Variants in DST observed in about 807,000 individuals in gnomAD.
DST encodes bullous pemphigoid antigen.
DST carries 253 observed loss-of-function variants against 875.2 expected under a neutral mutation model. The ratio of observed to expected loss-of-function variants is 0.29; its 90% CI spans 0.26 to 0.32. DST has a LOEUF of 0.32. DST is among the 10% of genes least tolerant of loss of function. DST has a pLI of 1.00. For synonymous variants in DST, 3,124 were observed against 3,197.1 expected (o/e 0.98, Z 0.77); for missense variants, 8,287 against 9,111.6 (o/e 0.91, Z 3.68).
chr6:56,731,377 C>A (rs2099497680), intron 5 of DST, among the ~76,000 whole-genome samples: 1 of 152,174 alleles, frequency 6.6e-6, no homozygotes, highest in Admixed American at 6.5e-5. Flanking sequence ...TGTGCCTGGC[C>A]CAGAATTGTT....
intron 10 of DST, among the ~76,000 whole-genome samples, chr6:56,666,543 A>G (rs980682156): frequency 1.3e-5 from 2 of 152,122 alleles, no homozygotes; most frequent in African/African-American, 4.8e-5. Context: ...ACAGCAACCA[A>G]CAGAAACCAA....
intron 54 of DST, among the ~76,000 whole-genome samples, chr6:56,569,572 G>A (rs2097749397): frequency 6.6e-6 from 1 of 152,062 alleles, no homozygotes; most frequent in Non-Finnish European, 1.5e-5. Flanking sequence ...AAAAATTACT[G>A]AAACTAAGTA....
chr6:56,485,573 G>T, intron 87 of DST, 102 bp from the exon 88 acceptor site: 1 of 1,128,606 alleles, frequency 8.9e-7, no homozygotes, highest in African/African-American at 1.6e-5. Context: ...TACTCAAGGG[G>T]AAGAGCAGTA....
intron 2 of DST, among the ~76,000 whole-genome samples, chr6:56,902,760 C>T (rs544992323): frequency 6.6e-6 from 1 of 152,354 alleles, no homozygotes; most frequent in East Asian, 1.9e-4. Context: ...GGTACTACAG[C>T]AGCTGCTGGA....
At chr6:56,615,748 C>T in intron 36 of DST, 1 of 1,614,156 alleles carries the variant, frequency 6.2e-7, no homozygotes, top group Non-Finnish European at 8.5e-7. Flanking sequence ...CTATTGATAA[C>T]CGAGAGTGAA....
intron 4 of DST, among the ~76,000 whole-genome samples, chr6:56,774,790 C>A (rs762339430): frequency 6.6e-6 from 1 of 152,020 alleles, no homozygotes; most frequent in Non-Finnish European, 1.5e-5. Context: ...GTCGGGAGTT[C>A]AAGACCAGCC....
chr6:56,505,086 A>T (rs142757612), intron 77 of DST, among the ~76,000 whole-genome samples: 121 of 152,330 alleles, frequency 7.9e-4, no homozygotes, highest in Middle Eastern at 3.4e-3. Context: ...CTGACTAAGT[A>T]CTTAAGCAGC....
intron 9 of DST, chr6:56,692,909 G>C: frequency 7.8e-7 from 1 of 1,289,752 alleles, no homozygotes; most frequent in Non-Finnish European, 1.0e-6. Context: ...GATTCCTGCT[G>C]TACCAGTCCC....
chr6:56,587,320 G>C (rs1301444668), intron 49 of DST, among the ~76,000 whole-genome samples: 2 of 152,190 alleles, frequency 1.3e-5, no homozygotes, highest in African/African-American at 2.4e-5. Flanking sequence ...AGCGATGGAA[G>C]ATGAAACGAA....
chr6:56,707,317 C>G (rs1057300861), intron 5 of DST, among the ~76,000 whole-genome samples: 1 of 152,220 alleles, frequency 6.6e-6, no homozygotes, highest in African/African-American at 2.4e-5. Context: ...CATGTACATT[C>G]TAAATCTATG....
chr6:56,773,775 A>G (rs1251387283), intron 4 of DST, among the ~76,000 whole-genome samples: 1 of 152,168 alleles, frequency 6.6e-6, no homozygotes, highest in Non-Finnish European at 1.5e-5. Flanking sequence ...ATCTGGACTC[A>G]GCCTGTGAGC....
chr6:56,803,146 G>C (rs1434718860), intron 4 of DST, among the ~76,000 whole-genome samples: 1 of 152,170 alleles, frequency 6.6e-6, no homozygotes, highest in Non-Finnish European at 1.5e-5. Context: ...TTTTGCAGGT[G>C]AGGAAAGTCA....
In DST at chr6:56,469,974, T is replaced by C; in HGVS notation, c.22477-17A>G. The C allele has an allele frequency of 5.0e-6, 8 of 1,612,890 alleles. No homozygotes were observed. The highest frequency in any genetic ancestry group is 6.8e-6 in the Non-Finnish European group (8 of 1,178,950). On this transcript the variant is annotated splice_polypyrimidine_tract_variant and intron_variant, in intron 96 of 103. Coordinates refer to ENST00000680361, the MANE Select transcript of DST (RefSeq NM_001374736.1). ...CCTTGTCACCTGCCAAAAACAATGA[T>C]GAAATATTTACTTTAATGTCAATAT...
chr6:56,943,717 G>C (rs541124549), intron 2 of DST, among the ~76,000 whole-genome samples: 2 of 151,996 alleles, frequency 1.3e-5, no homozygotes, highest in South Asian at 4.2e-4. Flanking sequence ...ACAGGCATGA[G>C]CCACCGCGCC....
At chr6:56,565,287 AT>A (rs1166402574) in intron 55 of DST, among the ~76,000 whole-genome samples, 1 of 151,570 alleles carries the variant, frequency 6.6e-6, no homozygotes, top group Admixed American at 6.6e-5. Flanking sequence ...AGCCCAGTTA[AT>A]TTTTGTATTT....
At chr6:56,708,504 G>T (rs1033147987) in intron 5 of DST, among the ~76,000 whole-genome samples, 2 of 151,462 alleles carry the variant, frequency 1.3e-5, no homozygotes, top group Admixed American at 6.7e-5. Flanking sequence ...TATTCTGAGG[G>T]TCCACAGAAA....
chr6:56,821,932 C>A (rs1289954392), intron 4 of DST, among the ~76,000 whole-genome samples: 1 of 152,072 alleles, frequency 6.6e-6, no homozygotes, highest in African/African-American at 2.4e-5. Context: ...TCCAAGTCTT[C>A]CATCAAAGAC....
At chr6:56,542,803 C>A (rs116578390) in intron 61 of DST, 23 of 152,474 alleles carry the variant, frequency 1.5e-4, no homozygotes, top group African/African-American at 5.3e-4. Context: ...TCTTCAGGCA[C>A]CATCTGCTGC....
chr6:56,724,958 A>G (rs1303133682), intron 5 of DST, among the ~76,000 whole-genome samples: 3 of 150,350 alleles, frequency 2.0e-5, no homozygotes, highest in African/African-American at 7.6e-5. Context: ...AAGATATATA[A>G]CAGGCTGTTT....
Sources: allele counts gnomAD v4.1 joint callset (sites outside exome capture counted in the v4.1 genomes callset), GRCh38; gene constraint gnomAD v4.1.1; transcripts MANE v1.5; gene names NCBI Gene and HGNC (gene_info 2026-07-23, HGNC 2026-07-21).